Variants in ZSWIM6 observed in about 807,000 individuals in gnomAD.
The protein encoded by ZSWIM6 is zinc finger SWIM-type containing 6.
A neutral mutation model predicts 113.2 loss-of-function variants in ZSWIM6; 9 were observed. The observed-to-expected ratio is 0.08, with a 90% CI of 0.05 to 0.14. ZSWIM6 has a LOEUF of 0.14. Ranked by LOEUF, ZSWIM6 falls within the 10% of genes least tolerant of loss-of-function variation. The probability of loss-of-function intolerance (pLI) is 1.00; values close to 1 mark genes in which losing one functional copy is unlikely to be tolerated. For missense variants in ZSWIM6, 1,162 were observed against 1,552.2 expected, an observed-to-expected ratio of 0.75 and a Z score of 4.22; for synonymous variants, 611 against 606.5, an observed-to-expected ratio of 1.01 and a Z score of -0.11.
chr5:61,392,866 C>T (rs987132064), intron 1 of ZSWIM6, among the ~76,000 whole-genome samples: 1 of 151,994 alleles, frequency 6.6e-6, no homozygotes, highest in African/African-American at 2.4e-5. Context: ...CCCACCTCGG[C>T]CTCCTAAAGC....
chr5:61,492,985 C>T (rs1748220569), intron 3 of ZSWIM6, among the ~76,000 whole-genome samples: 1 of 152,070 alleles, frequency 6.6e-6, no homozygotes, highest in South Asian at 2.1e-4. Flanking sequence ...GAGATTCTTA[C>T]TTATTGAATA....
intron 1 of ZSWIM6, among the ~76,000 whole-genome samples, chr5:61,438,170 CAG>C (rs1746750078): frequency 6.6e-6 from 1 of 151,996 alleles, no homozygotes; most frequent in Non-Finnish European, 1.5e-5. Context: ...CAAATATTGT[CAG>C]AGTTTACAGA....
intron 1 of ZSWIM6, among the ~76,000 whole-genome samples, chr5:61,384,417 G>A (rs12189001): frequency 0.22 from 33,578 of 152,048 alleles, 3,957 homozygotes; most frequent in South Asian, 0.31. Flanking sequence ...CATGCATGGT[G>A]GTGAAAAGTA....
chr5:61,515,120 A>G (rs1326088496), intron 4 of ZSWIM6, among the ~76,000 whole-genome samples: 2 of 152,016 alleles, frequency 1.3e-5, no homozygotes, highest in African/African-American at 2.4e-5. Flanking sequence ...CATTTTATCT[A>G]AGTTGTAGAA....
At chr5:61,370,159 CTGT>C (rs1204340506) in intron 1 of ZSWIM6, among the ~76,000 whole-genome samples, 2 of 152,174 alleles carry the variant, frequency 1.3e-5, no homozygotes, top group African/African-American at 4.8e-5. Flanking sequence ...TATCATTGCA[CTGT>C]TATTTTTGAT....
At chr5:61,337,097 A>AG (rs1744415768) in intron 1 of ZSWIM6, among the ~76,000 whole-genome samples, 1 of 152,198 alleles carries the variant, frequency 6.6e-6, no homozygotes, top group South Asian at 2.1e-4. Context: ...CCTGGCCAAC[A>AG]GGGCGAAACC....
intron 1 of ZSWIM6, among the ~76,000 whole-genome samples, chr5:61,434,234 T>A (rs190229041): frequency 5.5e-4 from 82 of 148,612 alleles, no homozygotes; most frequent in African/African-American, 2.0e-3. Flanking sequence ...ATAATACATA[T>A]ATACACATAG....
At chr5:61,433,679 G>T (rs1171710399) in intron 1 of ZSWIM6, among the ~76,000 whole-genome samples, 1 of 151,996 alleles carries the variant, frequency 6.6e-6, no homozygotes, top group Non-Finnish European at 1.5e-5. Flanking sequence ...GCACCATGTT[G>T]GCCAGGCTGG....
chr5:61,359,734 A>G (rs969656680), intron 1 of ZSWIM6, among the ~76,000 whole-genome samples: 1 of 151,876 alleles, frequency 6.6e-6, no homozygotes, highest in African/African-American at 2.4e-5. Flanking sequence ...AGTGCTTTCT[A>G]GGGGCCAGGT....
intron 4 of ZSWIM6, among the ~76,000 whole-genome samples, chr5:61,520,119 C>T (rs969383287): frequency 2.0e-5 from 3 of 152,136 alleles, no homozygotes; most frequent in Non-Finnish European, 4.4e-5. Context: ...TGGGGACCCC[C>T]GCCCTAATGG....
chr5:61,435,672 G>T (rs888731883), intron 1 of ZSWIM6, among the ~76,000 whole-genome samples: 1 of 152,162 alleles, frequency 6.6e-6, no homozygotes, highest in Non-Finnish European at 1.5e-5. Flanking sequence ...ACTGAGTTAT[G>T]CATATTTTAA....
rs116605756 is a variant in ZSWIM6, at chr5:61,347,438, G to A, written c.676+14490G>A. The A allele has an allele frequency of 6.3e-3, 1,005 of 159,944 alleles. 8 individuals carry two copies. Among genetic ancestry groups the A allele is most frequent in the African/African-American group, 0.02 (847 of 41,668 alleles). 9.9% of individuals were successfully genotyped at this position (159,944 alleles called of 1,614,324 possible). A position where few individuals can be genotyped will look rare whatever the true frequency, so the allele number is the denominator to read the frequency against. ...TCATTTGGAAGTTTCAGGATGAGAA[G>A]TTTCTCATACCAACAAATGTTTGCA... On this transcript the variant is annotated intron_variant, in intron 1 of 13. Transcript: ENST00000252744.
intron 1 of ZSWIM6, among the ~76,000 whole-genome samples, chr5:61,346,903 C>T (rs1744670497): frequency 6.6e-6 from 1 of 152,274 alleles, no homozygotes; most frequent in East Asian, 1.9e-4. Flanking sequence ...TTCATTTTAA[C>T]AATTTGTAGC....
chr5:61,360,287 A>T (rs1353064449), intron 1 of ZSWIM6, among the ~76,000 whole-genome samples: 1 of 152,264 alleles, frequency 6.6e-6, no homozygotes, highest in Non-Finnish European at 1.5e-5. Context: ...AGTGTTTCCC[A>T]TGGGTGGAAC....
chr5:61,463,110 ACT>A (rs1554036383), intron 1 of ZSWIM6, among the ~76,000 whole-genome samples: 1 of 152,066 alleles, frequency 6.6e-6, no homozygotes, highest in Non-Finnish European at 1.5e-5. Context: ...AGAAGTAAAT[ACT>A]CTCTGATTAT....
At chr5:61,390,828 A>G in intron 1 of ZSWIM6, 1 of 808,534 alleles carries the variant, frequency 1.2e-6, no homozygotes, top group South Asian at 1.3e-5. Flanking sequence ...TGGCACTGGC[A>G]AGGACTTGTG....
rs202147477 is a variant in ZSWIM6, at chr5:61,346,102, GCC to G, written c.676+13156_676+13157del. Among the ~76,000 whole-genome samples the G allele has an allele frequency of 6.4e-3, 966 of 151,864 alleles. 8 individuals carry two copies. Among genetic ancestry groups the G allele is most frequent in the African/African-American group, 0.02 (838 of 41,388 alleles). ...TGGGATTACAGGCGCCCATCACCAC[GCC>G]CAGCTAATTTTTGTGTTTTTTTTTT... On this transcript the variant is annotated intron_variant, in intron 1 of 13. Coordinates refer to ENST00000252744, the MANE Select transcript of ZSWIM6 (RefSeq NM_020928.2).
intron 1 of ZSWIM6, among the ~76,000 whole-genome samples, chr5:61,398,877 G>GC (rs1745889900): frequency 6.6e-6 from 1 of 151,176 alleles, no homozygotes; most frequent in Non-Finnish European, 1.5e-5. Context: ...GAATGGTAGG[G>GC]CAGGGGGCTG....
intron 1 of ZSWIM6, among the ~76,000 whole-genome samples, chr5:61,394,889 CT>C: frequency 6.6e-6 from 1 of 152,276 alleles, no homozygotes; most frequent in South Asian, 2.1e-4. Context: ...GCAGGACCCT[CT>C]GCACTATGGC....
Sources: gnomAD v4.1 joint callset for allele counts (sites outside exome capture counted in the v4.1 genomes callset) on GRCh38, gnomAD v4.1.1 for gene constraint, MANE v1.5 for transcripts, NCBI Gene and HGNC (gene_info 2026-07-23, HGNC 2026-07-21) for gene names.